The following RELN variants were observed in gnomAD, a reference collection of about 807,000 sequenced individuals.
RELN encodes the protein reelin.
A neutral mutation model predicts 427.6 loss-of-function variants in RELN; 108 were observed. The ratio of observed to expected loss-of-function variants is 0.25; its 90% CI spans 0.22 to 0.30. RELN has a LOEUF of 0.30. Among genes scored for constraint, RELN ranks in the 10% least tolerant of loss-of-function variants. The pLI is 1.00. For missense variants in RELN, 3,715 were observed against 4,302.8 expected (o/e 0.86, Z 3.82); for synonymous variants, 1,524 against 1,513.4 (o/e 1.01, Z -0.16).
rs1027140746 is a variant in RELN, at chr7:103,594,189, A to T, written c.3711+132T>A. 6 of 990,216 alleles carry T rather than the reference A, an allele frequency of 6.1e-6. No individual in the cohort carries two copies. The African/African-American group carries it at 8.0e-5, about 13-fold the overall frequency. 61.3% of individuals were successfully genotyped at this position (990,216 alleles called of 1,614,324 possible). On this transcript the variant is annotated intron_variant, in intron 26 of 64. Transcript: ENST00000428762. ...AGTGGTAGCATAGAGAGGTAACAAA[A>T]AATTAAGTACAAGCCCTTAAACTTA...
chr7:103,633,886 T>C (rs919921420), intron 19 of RELN, among the ~76,000 whole-genome samples: 50 of 152,042 alleles, frequency 3.3e-4, no homozygotes, highest in Non-Finnish European at 3.1e-4. Context: ...CTATGAAAGG[T>C]TTCTTTAGGA....
intron 45 of RELN, among the ~76,000 whole-genome samples, chr7:103,535,893 C>A (rs1830039440): frequency 6.6e-6 from 1 of 151,688 alleles, no homozygotes; most frequent in African/African-American, 2.4e-5. Flanking sequence ...TCACAAACAT[C>A]ATTTAAATGG....
At chr7:103,981,707 G>C (rs150534801) in intron 1 of RELN, among the ~76,000 whole-genome samples, 8 of 152,326 alleles carry the variant, frequency 5.3e-5, no homozygotes, top group African/African-American at 1.9e-4. Context: ...GGAGGACCCA[G>C]CTCCCTCTAA....
intron 41 of RELN, among the ~76,000 whole-genome samples, chr7:103,550,737 A>G (rs1249030606): frequency 1.3e-5 from 2 of 151,634 alleles, no homozygotes; most frequent in Non-Finnish European, 2.9e-5. Context: ...TTCTAGCTGC[A>G]TTTATATTGT....
intron 19 of RELN, among the ~76,000 whole-genome samples, chr7:103,634,667 T>G (rs564708299): frequency 1.3e-5 from 2 of 152,222 alleles, no homozygotes; most frequent in South Asian, 4.1e-4. Context: ...AAAATTTCCT[T>G]GTATTCATTG....
intron 44 of RELN, 121 bp downstream of exon 44, chr7:103,540,076 G>C: frequency 9.0e-7 from 1 of 1,112,312 alleles, no homozygotes; most frequent in African/African-American, 1.5e-5. Flanking sequence ...CCTTGGGCAA[G>C]TCACTCAACT....
chr7:103,872,028 A>ATTT (rs142665123), intron 2 of RELN, among the ~76,000 whole-genome samples: 58 of 104,772 alleles, frequency 5.5e-4, no homozygotes, highest in African/African-American at 1.7e-3. Flanking sequence ...ATATATATAT[A>ATTT]TATTTTTCTT....
At chr7:103,724,580 G>A (rs1229555656) in intron 7 of RELN, among the ~76,000 whole-genome samples, 1 of 152,158 alleles carries the variant, frequency 6.6e-6, no homozygotes, top group South Asian at 2.1e-4. Context: ...ACTTGATCAA[G>A]TTCCACAGCT....
At chr7:103,979,943 C>T (rs1022093510) in intron 1 of RELN, among the ~76,000 whole-genome samples, 1 of 152,124 alleles carries the variant, frequency 6.6e-6, no homozygotes, top group African/African-American at 2.4e-5. Flanking sequence ...GGGCTGATCA[C>T]CTGAGGTCGG....
chr7:103,499,842 T>A (rs1562854615), intron 53 of RELN, among the ~76,000 whole-genome samples: 1 of 152,224 alleles, frequency 6.6e-6, no homozygotes, highest in African/African-American at 2.4e-5. Context: ...TGAGTGCTCA[T>A]GAAAGAAATT....
intron 1 of RELN, among the ~76,000 whole-genome samples, chr7:103,979,172 G>C (rs1486408010): frequency 6.6e-6 from 1 of 152,222 alleles, no homozygotes; most frequent in Non-Finnish European, 1.5e-5. Flanking sequence ...CTCTCAGCCT[G>C]AATCTCTCCT....
At chr7:103,906,595 G>A (rs1440021426) in intron 2 of RELN, among the ~76,000 whole-genome samples, 2 of 152,108 alleles carry the variant, frequency 1.3e-5, no homozygotes, top group Non-Finnish European at 2.9e-5. Context: ...GAGCATGGCT[G>A]CCCATAGCTC....
intron 57 of RELN, among the ~76,000 whole-genome samples, chr7:103,494,577 G>A (rs1828775486): frequency 6.8e-6 from 1 of 146,156 alleles, no homozygotes; most frequent in Non-Finnish European, 1.5e-5. Context: ...GAGATAGGGG[G>A]TCTTGCTATG....
chr7:103,702,355 GC>G (rs1243312969), intron 8 of RELN, among the ~76,000 whole-genome samples: 1 of 152,166 alleles, frequency 6.6e-6, no homozygotes, highest in Non-Finnish European at 1.5e-5. Flanking sequence ...TTACTCGTGT[GC>G]TTCCTTTATG....
At chr7:103,967,748 A>G (rs1446200482) in intron 1 of RELN, among the ~76,000 whole-genome samples, 1 of 152,158 alleles carries the variant, frequency 6.6e-6, no homozygotes, top group Non-Finnish European at 1.5e-5. Flanking sequence ...TTTTCCCACA[A>G]GTCTCTATAG....
chr7:103,973,486 A>T lies in RELN; in HGVS notation c.226+15645T>A, dbSNP rs1029693818. Among the ~76,000 whole-genome samples, 3 of 152,334 alleles carry T rather than the reference A, an allele frequency of 2.0e-5. No homozygotes were observed. In the East Asian group the frequency reaches 5.8e-4, roughly 29 times the overall value. ...AAGAAACAAAAATGTATCTGTTTTC[A>T]TAAATATATTAACACAATGGGCATA... On this transcript the variant is annotated intron_variant, in intron 1 of 64. Transcript: ENST00000428762.
At chr7:103,656,843 T>C (rs991585956) in intron 12 of RELN, among the ~76,000 whole-genome samples, 8 of 152,030 alleles carry the variant, frequency 5.3e-5, no homozygotes, top group Admixed American at 4.6e-4. Flanking sequence ...TAAAATCAAG[T>C]ACAAGGATTA....
chr7:103,761,363 C>T (rs2116131194), intron 4 of RELN, among the ~76,000 whole-genome samples: 1 of 152,118 alleles, frequency 6.6e-6, no homozygotes, highest in African/African-American at 2.4e-5. Flanking sequence ...ACACATTTTT[C>T]AAAAATTTGC....
At chr7:103,521,259 G>A (rs1397247489) in intron 48 of RELN, among the ~76,000 whole-genome samples, 1 of 151,986 alleles carries the variant, frequency 6.6e-6, no homozygotes. Flanking sequence ...GATTACAGGC[G>A]TGAGCCACCG....
Sources: allele counts gnomAD v4.1 joint callset (sites outside exome capture counted in the v4.1 genomes callset), GRCh38; gene constraint gnomAD v4.1.1; transcripts MANE v1.5; gene names NCBI Gene and HGNC (gene_info 2026-07-23, HGNC 2026-07-21).